EFCAB6: variants seen among roughly 807,000 people sequenced by gnomAD.
EFCAB6 encodes EF-hand calcium-binding domain-containing protein 6.
Under a neutral mutation model 169.8 loss-of-function variants are expected in EFCAB6, and 156 were observed. The observed-to-expected ratio is 0.92, with a 90% CI of 0.81 to 1.05. EFCAB6 has a LOEUF of 1.05. EFCAB6 is among the 50% of genes least tolerant of loss of function. The pLI is 0.00. For synonymous variants in EFCAB6, 698 were observed against 676.4 expected (o/e 1.03, Z -0.50); for missense variants, 1,800 against 1,829.1 (o/e 0.98, Z 0.29).
chr22:43,677,815 T>A (rs563916152), intron 13 of EFCAB6, among the ~76,000 whole-genome samples, 181 bp downstream of exon 13: 7 of 151,942 alleles, frequency 4.6e-5, no homozygotes, highest in Non-Finnish European at 8.8e-5. Flanking sequence ...TTTTTAAGAT[T>A]CAGAAACTAA....
chr22:43,744,115 G>GA lies in EFCAB6; in HGVS notation c.508-8123dup. Among the ~76,000 whole-genome samples, 1 of 147,714 alleles carries GA rather than the reference G, an allele frequency of 6.8e-6. No homozygotes were observed. Among genetic ancestry groups the GA allele is most frequent in the East Asian group, 2.1e-4 (1 of 4,868 alleles). On this transcript the variant is annotated intron_variant, in intron 6 of 31. Transcript: ENST00000262726. This position sits in a 1 kb window ranked among gnomAD's most constrained non-coding sequence, Gnocchi z 4.3. ...GAATGAATGAATGAATGAATGAATG[G>GA]ATGGGTTATGGATGGATGGATGGGT...
At chr22:43,695,608 C>G (rs1437563203) in intron 10 of EFCAB6, among the ~76,000 whole-genome samples, 1 of 151,984 alleles carries the variant, frequency 6.6e-6, no homozygotes, top group Admixed American at 6.6e-5. Flanking sequence ...CTACAGTAAT[C>G]AAGAAACCAC....
intron 10 of EFCAB6, among the ~76,000 whole-genome samples, chr22:43,692,434 T>G (rs1569399754): frequency 6.6e-6 from 1 of 152,168 alleles, no homozygotes; most frequent in Non-Finnish European, 1.5e-5. Context: ...ATATTGGCAT[T>G]AACATGCAGG....
At chr22:43,604,020 C>A (rs900427867) in intron 22 of EFCAB6, among the ~76,000 whole-genome samples, 3 of 152,160 alleles carry the variant, frequency 2.0e-5, no homozygotes, top group African/African-American at 4.8e-5. Context: ...GCACCCCCCA[C>A]CACCTTCATC....
chr22:43,768,966 C>A (rs1216660293), intron 4 of EFCAB6, among the ~76,000 whole-genome samples: 1 of 152,134 alleles, frequency 6.6e-6, no homozygotes, highest in Non-Finnish European at 1.5e-5. Context: ...AAGAACACTA[C>A]CATATGACAT....
chr22:43,599,142 T>C (rs576588700), intron 23 of EFCAB6, among the ~76,000 whole-genome samples: 2 of 152,160 alleles, frequency 1.3e-5, no homozygotes, highest in Non-Finnish European at 2.9e-5. Flanking sequence ...CCTTCCACAG[T>C]GGCCGCAGCA....
intron 11 of EFCAB6, 126 bp from the exon 12 acceptor site, chr22:43,683,981 C>T: frequency 1.5e-6 from 1 of 685,226 alleles, no homozygotes; most frequent in Non-Finnish European, 2.5e-6. Flanking sequence ...GGCTCTTTTT[C>T]CTGACAGTGT....
At chr22:43,642,517 G>A (rs1158347273) in intron 17 of EFCAB6, among the ~76,000 whole-genome samples, 2 of 152,034 alleles carry the variant, frequency 1.3e-5, no homozygotes, top group Non-Finnish European at 2.9e-5. Flanking sequence ...CCACCACAGA[G>A]CTGCGTCATC....
chr22:43,749,333 G>A (rs2060674748), intron 6 of EFCAB6, among the ~76,000 whole-genome samples: 1 of 152,092 alleles, frequency 6.6e-6, no homozygotes, highest in South Asian at 2.1e-4. Flanking sequence ...ATATAAACGT[G>A]GGCACCCTCA....
chr22:43,595,334 T>C (rs1275850770), intron 23 of EFCAB6, among the ~76,000 whole-genome samples: 13 of 152,038 alleles, frequency 8.6e-5, no homozygotes. Flanking sequence ...AATTAAAAGT[T>C]GGTTTTTGAA....
intron 10 of EFCAB6, among the ~76,000 whole-genome samples, chr22:43,706,249 G>A (rs922290727): frequency 6.6e-6 from 1 of 152,194 alleles, no homozygotes; most frequent in Admixed American, 6.5e-5. Context: ...TTGGAGCCAG[G>A]GGCCTGCTCC....
At chr22:43,715,829 AAT>A (rs1375170653) in intron 9 of EFCAB6, among the ~76,000 whole-genome samples, 1 of 152,214 alleles carries the variant, frequency 6.6e-6, no homozygotes, top group Non-Finnish European at 1.5e-5. Flanking sequence ...ATTACCCACA[AAT>A]ATGACAGTGC....
intron 6 of EFCAB6, among the ~76,000 whole-genome samples, chr22:43,741,215 G>A (rs763812741): frequency 3.3e-5 from 5 of 150,028 alleles, no homozygotes; most frequent in East Asian, 2.0e-4. Flanking sequence ...TCCCAGCCAC[G>A]GTCTCCGGGC....
At chr22:43,756,485 A>G (rs912890445) in intron 5 of EFCAB6, among the ~76,000 whole-genome samples, 1 of 152,064 alleles carries the variant, frequency 6.6e-6, no homozygotes, top group African/African-American at 2.4e-5. Flanking sequence ...TGTATCTACA[A>G]ACCACTGCAG....
intron 22 of EFCAB6, among the ~76,000 whole-genome samples, chr22:43,601,032 C>A (rs1056797627): frequency 6.6e-6 from 1 of 152,178 alleles, no homozygotes; most frequent in African/African-American, 2.4e-5. Flanking sequence ...GAAAAAAATT[C>A]TTCAAAAAGC....
intron 8 of EFCAB6, among the ~76,000 whole-genome samples, chr22:43,725,618 C>A (rs747688202): frequency 5.3e-5 from 8 of 152,160 alleles, no homozygotes; most frequent in Non-Finnish European, 8.8e-5. Flanking sequence ...TAACACCAAC[C>A]CAGAAAGAAT....
intron 24 of EFCAB6, among the ~76,000 whole-genome samples, chr22:43,582,738 A>C (rs1266164034): frequency 6.6e-6 from 1 of 152,174 alleles, no homozygotes; most frequent in Non-Finnish European, 1.5e-5. Context: ...TCAGATACAG[A>C]TGCCAGGGGA....
At chr22:43,722,363 T>TA (rs35624882) in intron 8 of EFCAB6, among the ~76,000 whole-genome samples, 2 of 149,552 alleles carry the variant, frequency 1.3e-5, no homozygotes, top group African/African-American at 2.5e-5. Context: ...CATCTCTACT[T>TA]AAAAAAAAAA....
At chr22:43,579,516 T>G (rs1056830231) in intron 25 of EFCAB6, among the ~76,000 whole-genome samples, 1 of 150,098 alleles carries the variant, frequency 6.7e-6, no homozygotes, top group South Asian at 2.1e-4. Context: ...GCAAGCATCA[T>G]TCCATACACA....
Sources: gnomAD v4.1 joint callset for allele counts (sites outside exome capture counted in the v4.1 genomes callset) on GRCh38, gnomAD v4.1.1 for gene constraint, Gnocchi (gnomAD v3.1) non-coding constraint, MANE v1.5 for transcripts, NCBI Gene and HGNC (gene_info 2026-07-23, HGNC 2026-07-21) for gene names.